CHL1: variants seen among roughly 807,000 people sequenced by gnomAD.
CHL1 encodes neural cell adhesion molecule L1-like protein.
A neutral mutation model predicts 141.9 loss-of-function variants in CHL1; 96 were observed. The observed-to-expected ratio is 0.68, with a 90% CI of 0.57 to 0.80. The LOEUF (loss-of-function observed/expected upper bound fraction) is 0.80, where lower values mean the gene tolerates loss of function less well. CHL1 is among the 30% of genes least tolerant of loss of function. CHL1 has a pLI of 0.00. For missense variants in CHL1, 1,820 were observed against 1,457.2 expected, an observed-to-expected ratio of 1.25 and a Z score of -4.05; for synonymous variants, 613 against 502.2, an observed-to-expected ratio of 1.22 and a Z score of -2.95.
chr3:333,220 A>G (rs915166807), intron 5 of CHL1, among the ~76,000 whole-genome samples: 25 of 146,014 alleles, frequency 1.7e-4, no homozygotes, highest in Non-Finnish European at 3.4e-4. Context: ...AAATTACTTC[A>G]TCATCTGACA....
chr3:208,924 G>A (rs1699670878), intron 1 of CHL1, among the ~76,000 whole-genome samples: 1 of 152,126 alleles, frequency 6.6e-6, no homozygotes, highest in Non-Finnish European at 1.5e-5. Context: ...AGATGGTACA[G>A]GGTAGTGTAA....
At chr3:239,606 A>T (rs1032294795) in intron 1 of CHL1, among the ~76,000 whole-genome samples, 14 of 139,356 alleles carry the variant, frequency 1.0e-4, no homozygotes, top group Admixed American at 2.1e-4. Context: ...AAATATATAT[A>T]TTTTAAAATT....
intron 5 of CHL1, among the ~76,000 whole-genome samples, chr3:330,468 A>C (rs1701348168): frequency 6.6e-6 from 1 of 152,142 alleles, no homozygotes; most frequent in South Asian, 2.1e-4. Flanking sequence ...CAACAGAATA[A>C]ACTGGAGTGA....
chr3:208,026 A>G (rs1426287991), intron 1 of CHL1, among the ~76,000 whole-genome samples: 1 of 152,220 alleles, frequency 6.6e-6, no homozygotes, highest in Non-Finnish European at 1.5e-5. Context: ...ATGCCATCCA[A>G]TCAAGTATAA....
At chr3:283,730 C>A (rs1407633130) in intron 2 of CHL1, among the ~76,000 whole-genome samples, 1 of 152,052 alleles carries the variant, frequency 6.6e-6, no homozygotes, top group Non-Finnish European at 1.5e-5. Flanking sequence ...TGTTTAGAAC[C>A]ATCATCCCCG....
chr3:360,394 A>T lies in CHL1; in HGVS notation c.1276A>T (p.Ile426Phe). The T allele has an allele frequency of 1.9e-6, 3 of 1,613,812 alleles. No homozygotes were observed. The highest frequency in any genetic ancestry group is 2.5e-6 in the Non-Finnish European group (3 of 1,179,804). Residue 426 changes from isoleucine (I) to phenylalanine (F), a missense_variant, in exon 12 of 28, where the codon ATC becomes TTC. Coordinates refer to ENST00000256509, the MANE Select transcript of CHL1 (RefSeq NM_006614.4). ...QCEASNVHGT[I>F]LANANIDVVD... Reference sequence around the variant, plus strand: ...TGAAGCCTCAAATGTCCATGGAACTATCCTTGCCAATGCCAATATTGATGT... The same window carrying T: ...TGAAGCCTCAAATGTCCATGGAACTTTCCTTGCCAATGCCAATATTGATGT...
chr3:321,327 C>T (rs943968025), intron 3 of CHL1, among the ~76,000 whole-genome samples: 1 of 151,992 alleles, frequency 6.6e-6, no homozygotes, highest in African/African-American at 2.4e-5. Flanking sequence ...TTAAAGTCTG[C>T]TTTACATTTG....
At chr3:385,055 T>TCTTTC (rs958491943) in intron 19 of CHL1, among the ~76,000 whole-genome samples, 4 of 152,224 alleles carry the variant, frequency 2.6e-5, no homozygotes, top group Non-Finnish European at 5.9e-5. Flanking sequence ...TAATATTATT[T>TCTTTC]CTTTCCTTGA....
chr3:305,735 G>T (rs748770251), intron 2 of CHL1, among the ~76,000 whole-genome samples: 1 of 151,524 alleles, frequency 6.6e-6, no homozygotes, highest in Non-Finnish European at 1.5e-5. Flanking sequence ...ATGTCTGGAA[G>T]TGTTCATATC....
intron 2 of CHL1, among the ~76,000 whole-genome samples, chr3:317,917 A>C (rs142189541): frequency 1.8e-3 from 273 of 152,018 alleles, no homozygotes; most frequent in Non-Finnish European, 3.4e-3. Context: ...CATATATGTT[A>C]AATTTACCAG....
intron 2 of CHL1, among the ~76,000 whole-genome samples, chr3:287,398 G>C (rs1300055765): frequency 6.6e-6 from 1 of 152,056 alleles, no homozygotes; most frequent in Non-Finnish European, 1.5e-5. Context: ...CACCTGATAG[G>C]TTTACACATT....
chr3:290,202 C>A (rs182259889), intron 2 of CHL1, among the ~76,000 whole-genome samples: 41 of 151,998 alleles, frequency 2.7e-4, no homozygotes, highest in African/African-American at 8.9e-4. Flanking sequence ...CTAAATAGAC[C>A]ATGAAAAAAC....
At chr3:298,527 G>A (rs917460243) in intron 2 of CHL1, among the ~76,000 whole-genome samples, 3 of 152,118 alleles carry the variant, frequency 2.0e-5, no homozygotes, top group Non-Finnish European at 2.9e-5. Flanking sequence ...TTTTCCAGGA[G>A]ACCATGCCCA....
intron 1 of CHL1, among the ~76,000 whole-genome samples, chr3:231,309 CTCTCT>C (rs1019791255): frequency 2.6e-5 from 4 of 151,958 alleles, no homozygotes; most frequent in Non-Finnish European, 5.9e-5. Context: ...CCTTCCTCTC[CTCTCT>C]TTTTTACGTT....
chr3:216,377 T>C (rs1575616299), intron 1 of CHL1, among the ~76,000 whole-genome samples: 2 of 152,360 alleles, frequency 1.3e-5, no homozygotes, highest in East Asian at 1.9e-4. Context: ...ATTGAAAAAG[T>C]CTCTTCACTT....
At chr3:298,556 G>A (rs1250300369) in intron 2 of CHL1, among the ~76,000 whole-genome samples, 6 of 152,128 alleles carry the variant, frequency 3.9e-5, no homozygotes, top group Non-Finnish European at 7.4e-5. Context: ...TAGATTTCAG[G>A]TTTGTTTATC....
intron 2 of CHL1, among the ~76,000 whole-genome samples, chr3:252,102 T>C (rs554624834): frequency 5.3e-5 from 8 of 152,062 alleles, no homozygotes; most frequent in African/African-American, 1.7e-4. Context: ...TTATAAAATA[T>C]AGAATAATCT....
chr3:200,832 G>A (rs970970633), intron 1 of CHL1, among the ~76,000 whole-genome samples: 1 of 152,142 alleles, frequency 6.6e-6, no homozygotes, highest in African/African-American at 2.4e-5. Flanking sequence ...TAGATATGCT[G>A]CTTTCTTTTT....
In CHL1 at chr3:304,081, C is replaced by T. The variant is rs114020394; in HGVS notation, c.-94-15602C>T. Among the ~76,000 whole-genome samples, 345 of 151,520 alleles carry T rather than the reference C, an allele frequency of 2.3e-3. 2 individuals carry two copies. The highest frequency in any genetic ancestry group is 8.1e-3 in the African/African-American group (334 of 41,452). On this transcript the variant is annotated intron_variant, in intron 2 of 27. Transcript: ENST00000256509. ...TGCATCCCAGGTACGAAGCCAACTTCGTACCTGGTGGTAAGCTTTTTGATG... is the reference window on the plus strand; with the variant it reads ...TGCATCCCAGGTACGAAGCCAACTTTGTACCTGGTGGTAAGCTTTTTGATG...
Sources: allele counts gnomAD v4.1 joint callset (sites outside exome capture counted in the v4.1 genomes callset), GRCh38; gene constraint gnomAD v4.1.1; transcripts MANE v1.5; gene names NCBI Gene and HGNC (gene_info 2026-07-23, HGNC 2026-07-21).